The following ZC3H12C variants were observed in gnomAD, a reference collection of about 807,000 sequenced individuals.
ZC3H12C encodes probable ribonuclease ZC3H12C.
Under a neutral mutation model 76.3 loss-of-function variants are expected in ZC3H12C, and 20 were observed. That is an observed-to-expected ratio of 0.26 (90% CI 0.18 to 0.38). ZC3H12C has a LOEUF of 0.38. Among genes scored for constraint, ZC3H12C ranks in the 10% least tolerant of loss-of-function variants. The pLI, the probability that ZC3H12C is intolerant of heterozygous loss-of-function variation, is 1.00. For synonymous variants in ZC3H12C, 352 were observed against 399.6 expected (o/e 0.88, Z 1.42); for missense variants, 874 against 1,086.5 (o/e 0.80, Z 2.75).
intron 2 of ZC3H12C, among the ~76,000 whole-genome samples, chr11:110,137,777 ATTTC>A (rs1312506335): frequency 6.6e-6 from 1 of 152,194 alleles, no homozygotes; most frequent in East Asian, 1.9e-4. Context: ...CAAATGGTCT[ATTTC>A]TTTAGGAAGT....
At chr11:110,130,593 C>T (rs1057094068) in intron 1 of ZC3H12C, among the ~76,000 whole-genome samples, 7 of 152,156 alleles carry the variant, frequency 4.6e-5, no homozygotes, top group Non-Finnish European at 8.8e-5. Flanking sequence ...TACAGTATAG[C>T]CTCAACTTTT....
At chr11:110,148,464 G>A (rs1862209721) in intron 2 of ZC3H12C, among the ~76,000 whole-genome samples, 2 of 152,128 alleles carry the variant, frequency 1.3e-5, no homozygotes, top group Non-Finnish European at 2.9e-5. Context: ...GTTGTAACTT[G>A]GAATTTACAG....
chr11:110,161,350 G>C (rs1389644564), intron 4 of ZC3H12C, among the ~76,000 whole-genome samples: 1 of 152,172 alleles, frequency 6.6e-6, no homozygotes, highest in Non-Finnish European at 1.5e-5. Context: ...ATGTTATGCA[G>C]TGCGTGACTG....
chr11:110,102,530 T>C (rs1314868547), intron 1 of ZC3H12C, among the ~76,000 whole-genome samples: 1 of 152,126 alleles, frequency 6.6e-6, no homozygotes, highest in Non-Finnish European at 1.5e-5. Context: ...AGTGGTTTCT[T>C]AATTTGGAAT....
At chr11:110,101,573 A>C (rs1185631368) in intron 1 of ZC3H12C, among the ~76,000 whole-genome samples, 1 of 146,366 alleles carries the variant, frequency 6.8e-6, no homozygotes, top group Non-Finnish European at 1.5e-5. Flanking sequence ...TTTGAGACAC[A>C]GTCTTGCTCT....
chr11:110,103,558 G>A (rs140143436), intron 1 of ZC3H12C, among the ~76,000 whole-genome samples: 3 of 151,924 alleles, frequency 2.0e-5, no homozygotes, highest in African/African-American at 7.2e-5. Context: ...CCAGGTAATG[G>A]AATTGATGCC....
At chr11:110,147,591 C>T (rs1418729853) in intron 2 of ZC3H12C, among the ~76,000 whole-genome samples, 1 of 150,684 alleles carries the variant, frequency 6.6e-6, no homozygotes, top group Non-Finnish European at 1.5e-5. Flanking sequence ...ACATTTCAGC[C>T]CATGTATCCC....
At chr11:110,122,307 T>C (rs1861664573) in intron 1 of ZC3H12C, among the ~76,000 whole-genome samples, 1 of 152,212 alleles carries the variant, frequency 6.6e-6, no homozygotes, top group Admixed American at 6.5e-5. Flanking sequence ...TCAAGATATC[T>C]TATGTAGACA....
chr11:110,096,245 ATTTG>A (rs1478230391), intron 1 of ZC3H12C, among the ~76,000 whole-genome samples: 2 of 152,206 alleles, frequency 1.3e-5, no homozygotes, highest in African/African-American at 4.8e-5. Context: ...GTGATTCAAG[ATTTG>A]TTTAAAATTT....
chr11:110,098,187 CCT>C (rs1343922900), intron 1 of ZC3H12C, among the ~76,000 whole-genome samples: 3 of 151,910 alleles, frequency 2.0e-5, no homozygotes, highest in Non-Finnish European at 4.4e-5. Context: ...TGATCCTGAC[CCT>C]GTGTAGACCT....
intron 1 of ZC3H12C, among the ~76,000 whole-genome samples, chr11:110,103,725 C>T (rs1423145894): frequency 6.6e-6 from 1 of 151,868 alleles, no homozygotes; most frequent in African/African-American, 2.4e-5. Flanking sequence ...CCTGACTCAG[C>T]CTCCCCAGTA....
chr11:110,138,644 G>A (rs555675901), intron 2 of ZC3H12C, among the ~76,000 whole-genome samples: 2 of 149,944 alleles, frequency 1.3e-5, no homozygotes, highest in South Asian at 2.1e-4. Context: ...TGCAACCTCC[G>A]CCCCCAGGTT....
intron 1 of ZC3H12C, chr11:110,136,036 G>A (rs1861953126): frequency 6.6e-6 from 1 of 152,108 alleles, no homozygotes; most frequent in African/African-American, 2.4e-5. Flanking sequence ...AACTCACTTT[G>A]TAATTATTTA....
chr11:110,158,247 C>A (rs917792443), intron 3 of ZC3H12C, among the ~76,000 whole-genome samples: 1 of 152,196 alleles, frequency 6.6e-6, no homozygotes, highest in Admixed American at 6.5e-5. Flanking sequence ...CGGTGGCTCA[C>A]TCCTGTAATC....
chr11:110,147,835 C>T (rs1368202538), intron 2 of ZC3H12C, among the ~76,000 whole-genome samples: 2 of 152,102 alleles, frequency 1.3e-5, no homozygotes, highest in Non-Finnish European at 2.9e-5. Context: ...TTTCTGCCTC[C>T]GTAGCTGTGT....
chr11:110,104,331 C>G (rs1191724418), intron 1 of ZC3H12C, among the ~76,000 whole-genome samples: 3 of 152,022 alleles, frequency 2.0e-5, no homozygotes, highest in Non-Finnish European at 4.4e-5. Flanking sequence ...CTCCAAAGTG[C>G]TGGGATTAAG....
chr11:110,170,644 A>G lies in ZC3H12C; in HGVS notation c.*4907A>G, dbSNP rs1018318706. 6.6e-5 allele frequency: 10 copies of G among 152,160 alleles called. No homozygotes were observed. The highest frequency in any genetic ancestry group is 1.0e-4 in the Non-Finnish European group (7 of 68,014). The allele number at this position is 152,160 out of a possible 1,614,324, so 9.4% of individuals were successfully genotyped here. On this transcript the variant is annotated 3_prime_UTR_variant, in exon 6 of 6. Coordinates refer to ENST00000278590, the MANE Select transcript of ZC3H12C (RefSeq NM_033390.2). ...GCCTTGGGACTGTCCTTGGTGAATG[A>G]TATTCTTCATATGATCATATGTAAT...
At chr11:110,119,569 GCA>G (rs1371830875) in intron 1 of ZC3H12C, among the ~76,000 whole-genome samples, 1 of 152,128 alleles carries the variant, frequency 6.6e-6, no homozygotes, top group Non-Finnish European at 1.5e-5. Flanking sequence ...AGCACACCAT[GCA>G]CACTCTCATC....
At position 110,171,653 on chromosome 11, in the gene ZC3H12C, T is replaced by C. The variant is rs1300370430; in HGVS notation, c.*5916T>C. 1 of 152,212 alleles carries C rather than the reference T, an allele frequency of 6.6e-6. No homozygotes were observed. Among genetic ancestry groups the C allele is most frequent in the Non-Finnish European group, 1.5e-5 (1 of 68,030 alleles). The allele number at this position is 152,212 out of a possible 1,614,324, so 9.4% of individuals were successfully genotyped here. A position where few individuals can be genotyped will look rare whatever the true frequency, so the allele number is the denominator to read the frequency against. On this transcript the variant is annotated 3_prime_UTR_variant, in exon 6 of 6. Transcript: ENST00000278590. ...GGTTTGTTTTTCTTTAATGAAGAAA[T>C]TGATCTCATATGGCATCATAGATGC... is the stretch of plus-strand genomic sequence containing the variant.
Sources: allele counts gnomAD v4.1 joint callset (sites outside exome capture counted in the v4.1 genomes callset), GRCh38; gene constraint gnomAD v4.1.1; transcripts MANE v1.5; gene names NCBI Gene and HGNC (gene_info 2026-07-23, HGNC 2026-07-21).